Variants in ZP3 observed in about 807,000 individuals in gnomAD.
ZP3 encodes zona pellucida sperm-binding protein 3.
A neutral mutation model predicts 35.6 loss-of-function variants in ZP3; 21 were observed. That is an observed-to-expected ratio of 0.59 (90% CI 0.42 to 0.85). The LOEUF (loss-of-function observed/expected upper bound fraction) is 0.85, where lower values mean the gene tolerates loss of function less well. Among genes scored for constraint, ZP3 ranks in the 40% least tolerant of loss-of-function variants. ZP3 has a pLI of 0.00. For missense variants in ZP3, 437 were observed against 536.5 expected (o/e 0.81, Z 1.83); for synonymous variants, 207 against 214.5 (o/e 0.96, Z 0.31).
At chr7:76,416,725 C>T (rs781388663) in intron 1 of ZP3, among the ~76,000 whole-genome samples, 1 of 151,004 alleles carries the variant, frequency 6.6e-6, no homozygotes, top group Non-Finnish European at 1.5e-5. Context: ...CTTAAGCCTG[C>T]GAGACACAGG....
At chr7:76,415,364 C>CAAAAGAAAAAAAAAAA (rs1805343824) in intron 1 of ZP3, among the ~76,000 whole-genome samples, 1 of 63,532 alleles carries the variant, frequency 1.6e-5, no homozygotes, top group Non-Finnish European at 2.7e-5. Context: ...GACTCCGTCT[C>CAAAAGAAAAAAAAAAA]AAAAAAAAAA....
At position 76,399,085 on chromosome 7, in the gene ZP3, T is replaced by C. The variant is rs181410790; in HGVS notation, c.-67+1288T>C. ...GGAGTGCAATGGTGCAATCTCAGCT[T>C]GCTGCAACCTCCGCCTCCCTGGTTA... On this transcript the variant is annotated intron_variant, in intron 1 of 8. Coordinates refer to the ZP3 transcript ENST00000336517. Among the ~76,000 whole-genome samples the C allele has an allele frequency of 3.0e-3, 458 of 152,054 alleles. 3 individuals carry two copies. Among genetic ancestry groups the C allele is most frequent in the African/African-American group, 0.01 (432 of 41,486 alleles).
At chr7:76,440,437 A>G in intron 6 of ZP3, 38 bp from the exon 7 acceptor site, 1 of 1,608,752 alleles carries the variant, frequency 6.2e-7, no homozygotes, top group Non-Finnish European at 8.5e-7. Flanking sequence ...TGCTTCCTGC[A>G]GGCAACAAAA....
intron 1 of ZP3, among the ~76,000 whole-genome samples, chr7:76,399,510 A>G (rs35078049): frequency 0.18 from 27,795 of 151,840 alleles, 2,990 homozygotes; most frequent in East Asian, 0.32. Context: ...CGTGGAGCGC[A>G]TGGCCAGTGT....
At chr7:76,403,347 C>CTTTTTTTTTTTA (rs766899317) in intron 1 of ZP3, among the ~76,000 whole-genome samples, 33 of 149,616 alleles carry the variant, frequency 2.2e-4, no homozygotes, top group African/African-American at 7.3e-4. Flanking sequence ...GACTCCACTT[C>CTTTTTTTTTTTA]TTTTTTTTGA....
At chr7:76,436,960 G>C (rs542256514) in intron 5 of ZP3, among the ~76,000 whole-genome samples, 1 of 151,948 alleles carries the variant, frequency 6.6e-6, no homozygotes, top group African/African-American at 2.4e-5. Context: ...CCCCTTCAAA[G>C]GTAGGATTGA....
At chr7:76,421,766 A>T (rs1169124861), upstream of ZP3, among the ~76,000 whole-genome samples, 1 of 151,206 alleles carries the variant, frequency 6.6e-6, no homozygotes, top group Non-Finnish European at 1.5e-5. Flanking sequence ...AGCTAATGCC[A>T]TTAGTTTTTG....
At chr7:76,404,594 T>C in intron 1 of ZP3, 1 of 1,084,072 alleles carries the variant, frequency 9.2e-7, no homozygotes, top group Non-Finnish European at 1.4e-6. Context: ...GGGTTTGAGA[T>C]CAGCCTGGGC....
upstream of ZP3, among the ~76,000 whole-genome samples, chr7:76,420,815 A>G (rs2868366): frequency 0.52 from 79,008 of 151,914 alleles, 21,103 homozygotes; most frequent in African/African-American, 0.61. Flanking sequence ...CAGCCAATAT[A>G]AAGATTGATA....
chr7:76,398,678 C>T, intron 1 of ZP3: 1 of 1,597,222 alleles, frequency 6.3e-7, no homozygotes, highest in Non-Finnish European at 8.6e-7. Context: ...TGAGAGACTC[C>T]TCTCCCAAAA....
intron 2 of ZP3, among the ~76,000 whole-genome samples, chr7:76,430,717 A>G (rs1805802717): frequency 6.6e-6 from 1 of 152,248 alleles, no homozygotes; most frequent in Admixed American, 6.5e-5. Flanking sequence ...CCTGGGCAAC[A>G]GAGCAAGACT....
At chr7:76,423,007 A>AAGAGAGAGAGAGAGAGAG (rs747350112), upstream of ZP3, among the ~76,000 whole-genome samples, 18 of 76,110 alleles carry the variant, frequency 2.4e-4, no homozygotes, top group African/African-American at 8.2e-4. Context: ...AAAAGAAAGA[A>AAGAGAGAGAGAGAGAGAG]AGAGAGAGAG....
At chr7:76,432,845 A>G in intron 2 of ZP3, 82 bp from the exon 3 acceptor site, 1 of 1,166,620 alleles carries the variant, frequency 8.6e-7, no homozygotes, top group Non-Finnish European at 1.3e-6. Context: ...GTAGTGGGGT[A>G]GCAGTGAGAT....
chr7:76,436,082 G>T (rs1252358019), intron 5 of ZP3, among the ~76,000 whole-genome samples: 6 of 87,984 alleles, frequency 6.8e-5, no homozygotes, highest in Non-Finnish European at 1.3e-4. Flanking sequence ...TTTTGAGAGG[G>T]TCTCTGTCAC....
intron 6 of ZP3, 44 bp downstream of exon 6, chr7:76,440,385 G>C (rs368998014): frequency 4.3e-6 from 7 of 1,611,552 alleles, no homozygotes; most frequent in Non-Finnish European, 5.9e-6. Context: ...AAACTGAATC[G>C]GCGACCCCTT....
At chr7:76,416,951 T>C (rs887358131) in intron 1 of ZP3, among the ~76,000 whole-genome samples, 18 of 110,382 alleles carry the variant, frequency 1.6e-4, no homozygotes, top group East Asian at 3.5e-4. Context: ...CATACATATA[T>C]ATATATATAT....
At chr7:76,438,637 T>C (rs1456020577) in intron 5 of ZP3, among the ~76,000 whole-genome samples, 1 of 145,704 alleles carries the variant, frequency 6.9e-6, no homozygotes. Flanking sequence ...CAGGAGCTCA[T>C]ATTGGGTTCA....
intron 7 of ZP3, among the ~76,000 whole-genome samples, chr7:76,441,614 C>T (rs1213395483): frequency 6.6e-6 from 1 of 152,076 alleles, no homozygotes; most frequent in East Asian, 1.9e-4. Context: ...TCTCAAACAC[C>T]TGACCTCAGG....
At chr7:76,404,804 T>C (rs1347540122) in intron 1 of ZP3, among the ~76,000 whole-genome samples, 2 of 151,930 alleles carry the variant, frequency 1.3e-5, no homozygotes, top group Non-Finnish European at 2.9e-5. Context: ...CTGCGGTGGC[T>C]CATGCCTGTA....
Sources: allele counts gnomAD v4.1 joint callset (sites outside exome capture counted in the v4.1 genomes callset), GRCh38; gene constraint gnomAD v4.1.1; transcripts MANE v1.5; gene names NCBI Gene and HGNC (gene_info 2026-07-23, HGNC 2026-07-21).